XRCC4: variants seen among roughly 807,000 people sequenced by gnomAD.
XRCC4 encodes the protein DNA repair protein XRCC4.
Under a neutral mutation model 39.1 loss-of-function variants are expected in XRCC4, and 28 were observed. The observed-to-expected ratio is 0.72, with a 90% CI of 0.53 to 0.98. XRCC4 has a LOEUF of 0.98. XRCC4 is among the 50% of genes least tolerant of loss of function. The pLI is 0.00. For synonymous variants in XRCC4, 123 were observed against 126.4 expected (o/e 0.97, Z 0.18); for missense variants, 350 against 376.4 (o/e 0.93, Z 0.58).
rs536053954 is a variant in XRCC4 at position 83,288,596 on chromosome 5, T to C, written c.893+29919T>C. On this transcript the variant is annotated intron_variant, in intron 7 of 7. Coordinates refer to ENST00000396027, the MANE Select transcript of XRCC4 (RefSeq NM_003401.5). Reference sequence around the variant, plus strand: ...GGTGGGTTTCTTTCTTTCAACAGTTTAAGTATTTCTCTCCACTCTCTTTTT... The same window carrying C: ...GGTGGGTTTCTTTCTTTCAACAGTTCAAGTATTTCTCTCCACTCTCTTTTT... Among the ~76,000 whole-genome samples the C allele has an allele frequency of 8.6e-4, 131 of 152,040 alleles. No homozygotes were observed. The Middle Eastern group carries it at 0.01, about 12-fold the overall frequency.
chr5:83,276,073 G>A (rs1481715433), intron 7 of XRCC4, among the ~76,000 whole-genome samples: 2 of 152,004 alleles, frequency 1.3e-5, no homozygotes, highest in Non-Finnish European at 2.9e-5. Flanking sequence ...CTTTATGATG[G>A]TACAAAAGCA....
downstream of XRCC4, among the ~76,000 whole-genome samples, chr5:83,354,918 C>T (rs1380504960): frequency 6.6e-6 from 1 of 152,094 alleles, no homozygotes; most frequent in Non-Finnish European, 1.5e-5. Flanking sequence ...ACAATGAGGC[C>T]AAACTGAATT....
At chr5:83,322,652 T>C (rs761815299) in intron 7 of XRCC4, among the ~76,000 whole-genome samples, 1 of 152,162 alleles carries the variant, frequency 6.6e-6, no homozygotes, top group Non-Finnish European at 1.5e-5. Context: ...ACATAGATCT[T>C]TATAAGAGGG....
At chr5:83,261,609 ATTT>A (rs67245313) in intron 7 of XRCC4, among the ~76,000 whole-genome samples, 21 of 129,522 alleles carry the variant, frequency 1.6e-4, no homozygotes, top group Admixed American at 2.4e-4. Context: ...CTATGGCTTA[ATTT>A]TTTTTTTTTT....
intron 7 of XRCC4, among the ~76,000 whole-genome samples, chr5:83,328,928 AT>A: frequency 6.6e-6 from 1 of 152,132 alleles, no homozygotes; most frequent in Non-Finnish European, 1.5e-5. Context: ...TGAGTTTTTT[AT>A]TTTTAATTTT....
chr5:83,306,164 C>G (rs911232754), intron 7 of XRCC4, among the ~76,000 whole-genome samples: 2 of 151,842 alleles, frequency 1.3e-5, no homozygotes, highest in Non-Finnish European at 2.9e-5. Flanking sequence ...TGGTCCTCAT[C>G]AAGTAGTTAT....
At chr5:83,144,919 G>A (rs1435720459) in intron 3 of XRCC4, among the ~76,000 whole-genome samples, 2 of 151,880 alleles carry the variant, frequency 1.3e-5, no homozygotes, top group South Asian at 2.1e-4. Flanking sequence ...TATTTGAGAC[G>A]GAGTCTCACT....
intron 7 of XRCC4, among the ~76,000 whole-genome samples, chr5:83,336,076 C>T (rs1035458770): frequency 6.6e-6 from 1 of 151,896 alleles, no homozygotes; most frequent in Non-Finnish European, 1.5e-5. Flanking sequence ...ATTGAACATC[C>T]TTTTTCTCTT....
chr5:83,362,311 A>C, the XRCC4 span, among the ~76,000 whole-genome samples: 1 of 150,690 alleles, frequency 6.6e-6, no homozygotes, highest in African/African-American at 2.5e-5. Flanking sequence ...AAAAAAAAAA[A>C]AAAAAAACTA....
chr5:83,301,129 G>A (rs1334925550), intron 7 of XRCC4, among the ~76,000 whole-genome samples: 2 of 152,126 alleles, frequency 1.3e-5, no homozygotes, highest in Admixed American at 1.3e-4. Flanking sequence ...GGTATTTCTG[G>A]TTCTGGATCC....
chr5:83,107,830 T>G (rs1746269998), intron 2 of XRCC4, among the ~76,000 whole-genome samples: 1 of 151,876 alleles, frequency 6.6e-6, no homozygotes, highest in Non-Finnish European at 1.5e-5. Context: ...GTGACAGAAC[T>G]CAGTGGAAAG....
chr5:83,178,432 A>G (rs930317315), intron 3 of XRCC4, among the ~76,000 whole-genome samples: 18 of 152,186 alleles, frequency 1.2e-4, no homozygotes, highest in Non-Finnish European at 2.4e-4. Flanking sequence ...GAATGTAGTC[A>G]GCCATCACAG....
At chr5:83,110,928 C>A (rs1223911628) in intron 2 of XRCC4, 100 bp from the exon 3 acceptor site, 1 of 1,136,690 alleles carries the variant, frequency 8.8e-7, no homozygotes, top group Non-Finnish European at 1.2e-6. Context: ...GTTTGAATTT[C>A]TGTTACATGT....
intron 3 of XRCC4, among the ~76,000 whole-genome samples, chr5:83,193,521 A>C (rs1174400852): frequency 6.6e-6 from 1 of 152,196 alleles, no homozygotes; most frequent in Non-Finnish European, 1.5e-5. Context: ...GGAATTTTTC[A>C]TCAGTGTGTT....
intron 6 of XRCC4, among the ~76,000 whole-genome samples, chr5:83,240,152 T>TG (rs1752850694): frequency 6.6e-6 from 1 of 152,086 alleles, no homozygotes; most frequent in African/African-American, 2.4e-5. Flanking sequence ...TCGGGCTGTG[T>TG]GACAGAGTGA....
intron 3 of XRCC4, among the ~76,000 whole-genome samples, chr5:83,157,323 A>G (rs760281344): frequency 3.9e-5 from 6 of 152,010 alleles, no homozygotes; most frequent in East Asian, 1.9e-4. Context: ...TGTTCTGCCT[A>G]TTGTCGGATG....
At chr5:83,369,611 C>T in the XRCC4 span, among the ~76,000 whole-genome samples, 11 of 152,264 alleles carry the variant, frequency 7.2e-5, no homozygotes, top group South Asian at 8.3e-4. Flanking sequence ...TAGTATTCCA[C>T]GGTGTATATG....
intron 7 of XRCC4, among the ~76,000 whole-genome samples, chr5:83,310,116 A>C (rs758448010): frequency 2.6e-5 from 4 of 152,222 alleles, no homozygotes; most frequent in African/African-American, 9.6e-5. Flanking sequence ...AAGATCTTAT[A>C]TCTTATGCGG....
chr5:83,235,363 G>GAAAAAAA (rs1027128712), intron 6 of XRCC4, among the ~76,000 whole-genome samples: 1 of 139,278 alleles, frequency 7.2e-6, no homozygotes, highest in African/African-American at 2.7e-5. Context: ...AGAAAGAAAG[G>GAAAAAAA]AAAAAAAAAA....
Sources: gnomAD v4.1 joint callset for allele counts (sites outside exome capture counted in the v4.1 genomes callset) on GRCh38, gnomAD v4.1.1 for gene constraint, MANE v1.5 for transcripts, NCBI Gene and HGNC (gene_info 2026-07-23, HGNC 2026-07-21) for gene names.